Variants in LUZP2 observed in about 807,000 individuals in gnomAD.
The protein encoded by LUZP2 is leucine zipper protein 2.
Under a neutral mutation model 51.6 loss-of-function variants are expected in LUZP2, and 52 were observed. The ratio of observed to expected loss-of-function variants is 1.01; its 90% confidence interval spans 0.81 to 1.27. The LOEUF (loss-of-function observed/expected upper bound fraction) is 1.27. LUZP2 is among the 50% of genes most tolerant of loss of function. The probability of loss-of-function intolerance (pLI) is 0.00; values close to 1 mark genes in which losing one functional copy is unlikely to be tolerated. For synonymous variants in LUZP2, 154 were observed against 137.3 expected, an observed-to-expected ratio of 1.12 and a Z score of -0.85; for missense variants, 436 against 395.4, an observed-to-expected ratio of 1.10 and a Z score of -0.87.
chr11:24,785,452 G>T (rs1161842965), intron 5 of LUZP2, among the ~76,000 whole-genome samples: 1 of 151,932 alleles, frequency 6.6e-6, no homozygotes, highest in Non-Finnish European at 1.5e-5. Flanking sequence ...ACCTTGCTTG[G>T]AAATGTTTAA....
chr11:24,931,394 C>T (rs184177426), intron 7 of LUZP2, among the ~76,000 whole-genome samples: 1 of 152,130 alleles, frequency 6.6e-6, no homozygotes, highest in South Asian at 2.1e-4. Flanking sequence ...CCCCTCCACA[C>T]CTGTGGGCGT....
rs532247628 is a variant in LUZP2 at position 25,006,797 on chromosome 11, C to T, written c.765+23504C>T. 1.1e-4 allele frequency among the ~76,000 whole-genome samples: 17 copies of T among 152,156 alleles called. No homozygotes were observed. In the South Asian group the frequency reaches 2.1e-3, roughly 19 times the overall value. On this transcript the variant is annotated intron_variant, in intron 9 of 11. Coordinates refer to ENST00000336930, the MANE Select transcript of LUZP2 (RefSeq NM_001009909.4). Reference sequence around the variant, plus strand: ...ATGAAGCCATAGACCCATGTGGTGACGGTTACAGCTCATAAAGGTAGTGCA... The same window carrying T: ...ATGAAGCCATAGACCCATGTGGTGATGGTTACAGCTCATAAAGGTAGTGCA...
chr11:24,659,905 T>C (rs1018327787), intron 1 of LUZP2, among the ~76,000 whole-genome samples: 1 of 152,092 alleles, frequency 6.6e-6, no homozygotes, highest in African/African-American at 2.4e-5. Flanking sequence ...TGTGATTAGA[T>C]TGTGTTAGAT....
At position 24,807,045 on chromosome 11, in the gene LUZP2, G is replaced by T. The variant is rs1372085589; in HGVS notation, c.396+43737G>T. On this transcript the variant is annotated intron_variant, in intron 5 of 11. Coordinates refer to ENST00000336930, the MANE Select transcript of LUZP2 (RefSeq NM_001009909.4). ...CCACCAAAAAAAAAAAAAAAAAAAG[G>T]AGAGATACGGTCTAGATACTTTAGA... is the stretch of plus-strand genomic sequence containing the variant. 2.7e-5 allele frequency among the ~76,000 whole-genome samples: 3 copies of T among 111,610 alleles called. No individual in the cohort carries two copies. In the East Asian group the frequency reaches 1.1e-3, roughly 40 times the overall value. 73.2% of individuals were successfully genotyped at this position (111,610 alleles called of 152,430 possible).
intron 1 of LUZP2, among the ~76,000 whole-genome samples, chr11:24,654,478 C>T (rs73434979): frequency 6.6e-6 from 1 of 151,998 alleles, no homozygotes; most frequent in East Asian, 1.9e-4. Flanking sequence ...TGCAGTGGCA[C>T]GCTCTCTGCT....
intron 1 of LUZP2, among the ~76,000 whole-genome samples, chr11:24,714,425 C>A (rs1418762837): frequency 6.6e-6 from 1 of 152,156 alleles, no homozygotes; most frequent in East Asian, 1.9e-4. Flanking sequence ...CTCCAGACAT[C>A]TGAATCAATT....
chr11:24,545,040 G>T (rs1163037675), intron 1 of LUZP2, among the ~76,000 whole-genome samples: 1 of 151,982 alleles, frequency 6.6e-6, no homozygotes, highest in Non-Finnish European at 1.5e-5. Context: ...AATGATCAGT[G>T]ATGTTGAACT....
intron 1 of LUZP2, among the ~76,000 whole-genome samples, chr11:24,617,078 G>C (rs1565031729): frequency 6.6e-6 from 1 of 152,116 alleles, no homozygotes; most frequent in South Asian, 2.1e-4. Flanking sequence ...TCTATCGCTT[G>C]TTAAAACAGA....
chr11:24,530,370 C>T, intron 1 of LUZP2, among the ~76,000 whole-genome samples: 1 of 150,810 alleles, frequency 6.6e-6, no homozygotes, highest in Non-Finnish European at 1.5e-5. Flanking sequence ...CAGAAATATG[C>T]TAAGCTCCAG....
At chr11:24,959,837 A>G (rs1037316566) in intron 7 of LUZP2, among the ~76,000 whole-genome samples, 1 of 152,194 alleles carries the variant, frequency 6.6e-6, no homozygotes, top group Non-Finnish European at 1.5e-5. Flanking sequence ...GCCAGTTTTC[A>G]AAGGGAATGC....
chr11:24,699,086 AACACACACACACACAC>A (rs67317108), intron 1 of LUZP2, among the ~76,000 whole-genome samples: 9 of 138,370 alleles, frequency 6.5e-5, no homozygotes, highest in African/African-American at 2.1e-4. Context: ...AAACCACAGA[AACACACACACACACAC>A]ACACACACAC....
At chr11:24,663,492 T>C (rs2133986718) in intron 1 of LUZP2, among the ~76,000 whole-genome samples, 1 of 152,336 alleles carries the variant, frequency 6.6e-6, no homozygotes, top group African/African-American at 2.4e-5. Context: ...TTTATAGCAG[T>C]GTGAGAATGA....
At chr11:24,708,559 C>T (rs192506606) in intron 1 of LUZP2, among the ~76,000 whole-genome samples, 3 of 152,196 alleles carry the variant, frequency 2.0e-5, no homozygotes, top group East Asian at 3.9e-4. Flanking sequence ...CTAGGCACAG[C>T]GAGTATAGTG....
At chr11:24,915,236 C>A (rs1328402609) in intron 7 of LUZP2, among the ~76,000 whole-genome samples, 1 of 152,058 alleles carries the variant, frequency 6.6e-6, no homozygotes, top group South Asian at 2.1e-4. Flanking sequence ...AGAAGCATGA[C>A]AATGTTATGA....
At chr11:24,962,812 C>T (rs538263877) in intron 7 of LUZP2, among the ~76,000 whole-genome samples, 17 of 152,344 alleles carry the variant, frequency 1.1e-4, no homozygotes, top group Middle Eastern at 6.8e-3. Flanking sequence ...TGAGGAACTG[C>T]GTTCCTTTGG....
intron 9 of LUZP2, among the ~76,000 whole-genome samples, chr11:25,006,797 C>G (rs532247628): frequency 2.6e-5 from 4 of 152,038 alleles, no homozygotes; most frequent in African/African-American, 9.7e-5. Context: ...CATGTGGTGA[C>G]GGTTACAGCT....
At chr11:24,894,144 T>A (rs898272020) in intron 5 of LUZP2, among the ~76,000 whole-genome samples, 3 of 151,774 alleles carry the variant, frequency 2.0e-5, no homozygotes, top group African/African-American at 7.2e-5. Context: ...AATAAATAAA[T>A]ATTTTTAACG....
chr11:25,031,005 AT>A (rs1433577043), intron 9 of LUZP2, among the ~76,000 whole-genome samples: 1 of 1,842 alleles, frequency 5.4e-4, no homozygotes, highest in Non-Finnish European at 1.0e-3. Context: ...TTATATATAT[AT>A]ATATATATAT....
intron 1 of LUZP2, among the ~76,000 whole-genome samples, chr11:24,626,028 C>G (rs1411787014): frequency 6.6e-6 from 1 of 152,066 alleles, no homozygotes; most frequent in Non-Finnish European, 1.5e-5. Flanking sequence ...ACTTTTTAAC[C>G]TTAAATAATT....
Sources: gnomAD v4.1 joint callset for allele counts (sites outside exome capture counted in the v4.1 genomes callset) on GRCh38, gnomAD v4.1.1 for gene constraint, MANE v1.5 for transcripts, NCBI Gene and HGNC (gene_info 2026-07-23, HGNC 2026-07-21) for gene names.